GPATCH2: variants seen among roughly 807,000 people sequenced by gnomAD.
The protein encoded by GPATCH2 is G patch domain-containing protein 2.
A neutral mutation model predicts 58.0 loss-of-function variants in GPATCH2; 51 were observed. That is an observed-to-expected ratio of 0.88 (90% confidence interval 0.70 to 1.11). The LOEUF is 1.11. Among genes scored for constraint, GPATCH2 ranks in the 50% most tolerant of loss-of-function variants. GPATCH2 has a pLI of 0.00. For missense variants in GPATCH2, 625 were observed against 652.2 expected (o/e 0.96, Z 0.45); for synonymous variants, 222 against 218.5 (o/e 1.02, Z -0.14).
chr1:217,614,069 A>G, intron 3 of GPATCH2, 72 bp downstream of exon 3: 2 of 842,162 alleles, frequency 2.4e-6, no homozygotes, highest in Non-Finnish European at 4.1e-6. Context: ...AACTTATGAA[A>G]TAACCAGTAA....
rs547094484 is a variant in GPATCH2, at chr1:217,496,392, T to C, written c.1206+1964A>G. On this transcript the variant is annotated intron_variant, in intron 7 of 9. Transcript: ENST00000366935. ...GACACGGCCTTGTTTCAAGCTCTCA[T>C]AGTATAAACAAGTGTATTTCTTGCA... 2.0e-5 allele frequency among the ~76,000 whole-genome samples: 3 copies of C among 152,302 alleles called. No individual in the cohort carries two copies. In the South Asian group the frequency reaches 6.2e-4, roughly 32 times the overall value.
chr1:217,523,736 C>T (rs1278765209), intron 5 of GPATCH2, among the ~76,000 whole-genome samples: 3 of 150,064 alleles, frequency 2.0e-5, no homozygotes, highest in African/African-American at 5.0e-5. Flanking sequence ...CTCCTCACTT[C>T]CCAGTAGGGG....
At chr1:217,558,820 T>C (rs1022992578) in intron 5 of GPATCH2, among the ~76,000 whole-genome samples, 1 of 152,018 alleles carries the variant, frequency 6.6e-6, no homozygotes, top group Non-Finnish European at 1.5e-5. Context: ...TAATAAAACA[T>C]AACAAAAGAC....
chr1:217,431,079 T>A lies in GPATCH2; in HGVS notation c.*66A>T, dbSNP rs1558386628. On this transcript the variant is annotated 3_prime_UTR_variant, in exon 10 of 10. Transcript: ENST00000366935. ...ATTTTTGCTTCAAAAACAGAAGTCA[T>A]GTTATCATTTTAGAACAATGGGACA... 4 of 854,618 alleles carry A rather than the reference T, an allele frequency of 4.7e-6. No homozygotes were observed. Among genetic ancestry groups the A allele is most frequent in the Non-Finnish European group, 8.1e-6 (4 of 492,720 alleles). The allele number at this position is 854,618 out of a possible 1,614,324, so 52.9% of individuals were successfully genotyped here.
chr1:217,567,655 G>A (rs1402171997), intron 5 of GPATCH2, among the ~76,000 whole-genome samples: 5 of 152,158 alleles, frequency 3.3e-5, no homozygotes, highest in East Asian at 1.9e-4. Context: ...TCTAGACACC[G>A]TTCATAAACT....
At chr1:217,585,960 C>T (rs1667319822) in intron 5 of GPATCH2, among the ~76,000 whole-genome samples, 1 of 152,002 alleles carries the variant, frequency 6.6e-6, no homozygotes, top group South Asian at 2.1e-4. Flanking sequence ...ATTTGTGTAC[C>T]TAGACATATC....
intron 5 of GPATCH2, among the ~76,000 whole-genome samples, chr1:217,526,636 A>G (rs917581808): frequency 6.6e-6 from 1 of 152,230 alleles, no homozygotes; most frequent in Non-Finnish European, 1.5e-5. Flanking sequence ...TATCTATTCT[A>G]AGTAAATAAT....
chr1:217,491,849 T>A (rs968892141), intron 7 of GPATCH2, 99 bp from the exon 8 acceptor site: 2 of 447,296 alleles, frequency 4.5e-6, no homozygotes, highest in Admixed American at 4.1e-5. Flanking sequence ...ACACTACTCA[T>A]TTATTTGCAC....
At chr1:217,510,905 C>G (rs1442944566) in intron 6 of GPATCH2, among the ~76,000 whole-genome samples, 2 of 151,872 alleles carry the variant, frequency 1.3e-5, no homozygotes, top group South Asian at 4.2e-4. Context: ...CCAGCCTGGC[C>G]AACATGGTGA....
intron 8 of GPATCH2, among the ~76,000 whole-genome samples, chr1:217,490,200 C>T (rs1383884514): frequency 6.6e-6 from 1 of 152,184 alleles, no homozygotes; most frequent in Non-Finnish European, 1.5e-5. Context: ...AGGATGATTG[C>T]ACTGTCTTCT....
intron 5 of GPATCH2, among the ~76,000 whole-genome samples, chr1:217,523,062 G>A (rs1345845828): frequency 2.0e-5 from 3 of 151,796 alleles, no homozygotes; most frequent in Middle Eastern, 3.4e-3. Context: ...TGTTTGGGTG[G>A]AAGTAATTTT....
rs561166150 is a variant in GPATCH2, at chr1:217,516,103, AC to A, written c.1099-1215del. On this transcript the variant is annotated intron_variant, in intron 5 of 9. Coordinates refer to ENST00000366935, the MANE Select transcript of GPATCH2 (RefSeq NM_018040.5). ...ACTCCTTTTTTTTTTTTAGAATTTC[AC>A]AACTTTCTTATCATATAGATGGTTC... Among the ~76,000 whole-genome samples, 612 of 151,728 alleles carry A rather than the reference AC, an allele frequency of 4.0e-3. 8 individuals are homozygous for A. The highest frequency in any genetic ancestry group is 0.014 in the African/African-American group (586 of 41,420).
chr1:217,610,080 G>T (rs1187749020), intron 5 of GPATCH2: 1 of 1,520,922 alleles, frequency 6.6e-7, no homozygotes, highest in African/African-American at 1.4e-5. Flanking sequence ...CCAGGGAAGA[G>T]GACAGGAGCC....
At position 217,619,923 on chromosome 1, in the gene GPATCH2, T is replaced by G; in HGVS notation, c.633A>C (p.Lys211Asn). 6.2e-7 allele frequency: 1 copy of G among 1,614,056 alleles called. No individual in the cohort carries two copies. Among genetic ancestry groups the G allele is most frequent in the Non-Finnish European group, 8.5e-7 (1 of 1,179,984 alleles). ...YQEFTKNKVK[K>N]RKLKIIRQGP... The stretch of plus-strand genomic sequence containing the variant: ...CTTGTCTGATTATTTTCAACTTTCT[T>G]TTTTTGACTTTGTTCTTGGTAAATT... The change falls in exon 2 of 10, where the codon AAA becomes AAC. Residue 211 changes from lysine (K) to asparagine (N), a missense_variant. Physicochemically the swap from Lys to Asn is moderately conservative, Grantham distance 94. Coordinates refer to ENST00000366935, the MANE Select transcript of GPATCH2 (RefSeq NM_018040.5).
chr1:217,448,503 G>T (rs868713193), intron 9 of GPATCH2, among the ~76,000 whole-genome samples: 1 of 152,010 alleles, frequency 6.6e-6, no homozygotes, highest in Admixed American at 6.6e-5. Context: ...GACTTTATCT[G>T]TGCCTCCCTT....
intron 5 of GPATCH2, among the ~76,000 whole-genome samples, chr1:217,582,017 A>C (rs1667105872): frequency 1.3e-5 from 2 of 152,198 alleles, no homozygotes; most frequent in African/African-American, 2.4e-5. Context: ...TCTACTAAAA[A>C]ATACCCGTGG....
intron 5 of GPATCH2, among the ~76,000 whole-genome samples, chr1:217,564,045 GAAAAAAAAA>G (rs59348467): frequency 1.7e-5 from 1 of 58,216 alleles, no homozygotes; most frequent in Non-Finnish European, 2.9e-5. Context: ...ACTCCGTCTC[GAAAAAAAAA>G]AAAAAAAAAA....
chr1:217,569,884 T>C (rs946803551), intron 5 of GPATCH2, among the ~76,000 whole-genome samples: 3 of 151,916 alleles, frequency 2.0e-5, no homozygotes, highest in Non-Finnish European at 2.9e-5. Flanking sequence ...CAAAAAAGAA[T>C]GGGATTCTGA....
chr1:217,458,624 A>G (rs1660065670), intron 8 of GPATCH2, among the ~76,000 whole-genome samples: 1 of 152,082 alleles, frequency 6.6e-6, no homozygotes, highest in Admixed American at 6.6e-5. Context: ...ACTCATCGAG[A>G]CCATATATAT....
Sources: allele counts gnomAD v4.1 joint callset (sites outside exome capture counted in the v4.1 genomes callset), GRCh38; gene constraint gnomAD v4.1.1; transcripts MANE v1.5; gene names NCBI Gene and HGNC (gene_info 2026-07-23, HGNC 2026-07-21).